Variants in RYR2 observed in about 807,000 individuals in gnomAD.
RYR2 encodes ryanodine receptor 2, also known as cardiac muscle ryanodine receptor-calcium release channel.
RYR2 carries 227 observed loss-of-function variants against 601.1 expected under a neutral mutation model. The ratio of observed to expected loss-of-function variants is 0.38; its 90% CI spans 0.34 to 0.42. The LOEUF is 0.42. Among genes scored for constraint, RYR2 ranks in the 10% least tolerant of loss-of-function variants. RYR2 has a pLI of 1.00. For missense variants in RYR2, 4,646 were observed against 6,156.5 expected (o/e 0.75, Z 8.21); for synonymous variants, 2,223 against 2,175.1 (o/e 1.02, Z -0.61).
chr1:237,624,551 C>T (rs1385151325), intron 39 of RYR2, among the ~76,000 whole-genome samples: 1 of 152,110 alleles, frequency 6.6e-6, no homozygotes, highest in African/African-American at 2.4e-5. Flanking sequence ...GAAATTTGAT[C>T]ACAAACAGTT....
At chr1:237,638,973 T>C in intron 45 of RYR2, 42 bp from the exon 46 acceptor site, 1 of 1,596,412 alleles carries the variant, frequency 6.3e-7, no homozygotes, top group East Asian at 2.2e-5. Context: ...AGAACTTCCA[T>C]ATAATCATAT....
At chr1:237,409,135 T>G (rs944226527) in intron 10 of RYR2, among the ~76,000 whole-genome samples, 4 of 122,910 alleles carry the variant, frequency 3.3e-5, no homozygotes, top group Non-Finnish European at 6.3e-5. Flanking sequence ...TTCTTCCTTC[T>G]CAGTCTGTAT....
At chr1:237,088,104 T>A (rs1456744887) in intron 1 of RYR2, among the ~76,000 whole-genome samples, 2 of 152,200 alleles carry the variant, frequency 1.3e-5, no homozygotes, top group African/African-American at 4.8e-5. Context: ...TGGATACTAT[T>A]GGAAATTAAT....
At chr1:237,746,794 C>G (rs182419056) in intron 80 of RYR2, among the ~76,000 whole-genome samples, 1 of 152,072 alleles carries the variant, frequency 6.6e-6, no homozygotes, top group Admixed American at 6.5e-5. Flanking sequence ...TTACCAGTTA[C>G]CTGAAAAAAA....
intron 1 of RYR2, among the ~76,000 whole-genome samples, chr1:237,173,907 A>G: frequency 6.6e-6 from 1 of 152,088 alleles, no homozygotes; most frequent in East Asian, 1.9e-4. Flanking sequence ...ATACGAAAAA[A>G]TTAGCCTGGC....
At position 237,819,250 on chromosome 1, in the gene RYR2, G is replaced by C; in HGVS notation, c.14590+58G>C. On this transcript the variant is annotated intron_variant, in intron 101 of 104. Transcript: ENST00000366574. The surrounding 1 kb of genome is among the most constrained non-coding windows in gnomAD (Gnocchi z 4.0). ...TCTAGAATTTGAGCCACATGTTGCT[G>C]AAGTTAATATTCAAGGTAGGGTAAT... is the stretch of plus-strand genomic sequence containing the variant. The C allele has an allele frequency of 6.6e-7, 1 of 1,505,156 alleles. No individual in the cohort carries two copies. Among genetic ancestry groups the C allele is most frequent in the Non-Finnish European group, 9.2e-7 (1 of 1,088,136 alleles). 93.2% of individuals were successfully genotyped at this position (1,505,156 alleles called of 1,614,324 possible).
At chr1:237,686,135 A>G (rs1240646731) in intron 62 of RYR2, among the ~76,000 whole-genome samples, 2 of 152,156 alleles carry the variant, frequency 1.3e-5, no homozygotes, top group African/African-American at 2.4e-5. Flanking sequence ...TGCACGTTTG[A>G]TCACAGCTGT....
rs1558718298 is a variant in RYR2, at chr1:237,380,405, TATATATATATATATATA to T, written c.576+2971_576+2987del. On this transcript the variant is annotated intron_variant, in intron 8 of 104. Coordinates refer to ENST00000366574, the MANE Select transcript of RYR2 (RefSeq NM_001035.3). Reference sequence around the variant, plus strand: ...ATATATATATATATATATATATATATATATATATATATATATAGTAAATACGAAGTCTGGTGAGTATG... The same window carrying T: ...ATATATATATATATATATATATATATGTAAATACGAAGTCTGGTGAGTATG... Among the ~76,000 whole-genome samples, 12 of 34,968 alleles carry T rather than the reference TATATATATATATATATA, an allele frequency of 3.4e-4. 1 individual carries two copies. The highest frequency in any genetic ancestry group is 1.1e-3 in the African/African-American group (11 of 9,672). 22.9% of individuals were successfully genotyped at this position (34,968 alleles called of 152,430 possible). A position where few individuals can be genotyped will look rare whatever the true frequency, so the allele number is the denominator to read the frequency against.
At chr1:237,519,181 T>G (rs1666849609) in intron 24 of RYR2, among the ~76,000 whole-genome samples, 1 of 152,126 alleles carries the variant, frequency 6.6e-6, no homozygotes, top group African/African-American at 2.4e-5. Context: ...AATGAGTAGT[T>G]TGATGTCAGA....
At chr1:237,240,665 C>CAAAAAAA (rs35984919) in intron 1 of RYR2, among the ~76,000 whole-genome samples, 6 of 55,160 alleles carry the variant, frequency 1.1e-4, no homozygotes, top group African/African-American at 1.8e-4. Flanking sequence ...CTATAAAAGC[C>CAAAAAAA]AAAAAAAAAA....
chr1:237,487,220 C>T (rs191181669), intron 17 of RYR2, among the ~76,000 whole-genome samples: 4 of 152,212 alleles, frequency 2.6e-5, no homozygotes, highest in Admixed American at 1.3e-4. Context: ...TTATAATCTT[C>T]ATTAAGCACT....
chr1:237,082,558 A>ATATATATATATATATATATATATATAT (rs1558200818), intron 1 of RYR2, among the ~76,000 whole-genome samples: 1 of 24,176 alleles, frequency 4.1e-5, no homozygotes, highest in African/African-American at 6.4e-5. Flanking sequence ...TATATATATA[A>ATATATATATATATATATATATATATAT]AATCGGATAT....
intron 27 of RYR2, among the ~76,000 whole-genome samples, chr1:237,560,368 G>C (rs1047488972): frequency 6.6e-6 from 1 of 152,212 alleles, no homozygotes; most frequent in African/African-American, 2.4e-5. Context: ...CACTGGGCAA[G>C]CTCTAAGTCA....
intron 46 of RYR2, among the ~76,000 whole-genome samples, chr1:237,639,879 GA>G (rs950625347): frequency 1.3e-5 from 2 of 151,694 alleles, no homozygotes; most frequent in Non-Finnish European, 2.9e-5. Context: ...CATTTCTAAA[GA>G]AAAAAAAGAG....
At chr1:237,274,597 T>C (rs1318784041) in intron 2 of RYR2, among the ~76,000 whole-genome samples, 1 of 152,056 alleles carries the variant, frequency 6.6e-6, no homozygotes, top group Admixed American at 6.6e-5. Flanking sequence ...CAAAGAAAAT[T>C]TTAAAAATAA....
At chr1:237,085,964 A>G (rs536853959) in intron 1 of RYR2, among the ~76,000 whole-genome samples, 1 of 152,336 alleles carries the variant, frequency 6.6e-6, no homozygotes, top group Admixed American at 6.5e-5. Flanking sequence ...CATGTTGCCC[A>G]GGCTGATCTT....
At chr1:237,355,616 A>G (rs924502105) in intron 3 of RYR2, among the ~76,000 whole-genome samples, 24 of 152,110 alleles carry the variant, frequency 1.6e-4, no homozygotes, top group African/African-American at 4.6e-4. Flanking sequence ...AGTTTTTATA[A>G]TTAGAGGAGA....
At chr1:237,415,015 T>G (rs897701911) in intron 10 of RYR2, among the ~76,000 whole-genome samples, 4 of 152,042 alleles carry the variant, frequency 2.6e-5, no homozygotes, top group Non-Finnish European at 5.9e-5. Context: ...CTCTTTTGGT[T>G]GTCACAGCTG....
intron 103 of RYR2, 48 bp from the exon 104 acceptor site, chr1:237,831,466 T>C: frequency 9.8e-7 from 1 of 1,021,804 alleles, no homozygotes; most frequent in Non-Finnish European, 1.5e-6. Flanking sequence ...CTGTTTATCC[T>C]AATATTTCCA....
Sources: allele counts gnomAD v4.1 joint callset (sites outside exome capture counted in the v4.1 genomes callset), GRCh38; gene constraint gnomAD v4.1.1; non-coding constraint Gnocchi (gnomAD v3.1); transcripts MANE v1.5; gene names NCBI Gene and HGNC (gene_info 2026-07-23, HGNC 2026-07-21).